The following CFAP61 variants were observed in gnomAD, a reference collection of about 807,000 sequenced individuals.
CFAP61 encodes cilia- and flagella-associated protein 61.
A neutral mutation model predicts 135.6 loss-of-function variants in CFAP61; 107 were observed. The observed-to-expected ratio is 0.79, with a 90% CI of 0.67 to 0.93. The LOEUF is 0.93. Ranked by LOEUF, CFAP61 falls within the 40% of genes least tolerant of loss-of-function variation. CFAP61 has a pLI of 0.00. For missense variants in CFAP61, 1,507 were observed against 1,556.2 expected, an observed-to-expected ratio of 0.97 and a Z score of 0.53; for synonymous variants, 575 against 578.5, an observed-to-expected ratio of 0.99 and a Z score of 0.09.
At chr20:20,294,533 G>A (rs2055248294) in intron 24 of CFAP61, among the ~76,000 whole-genome samples, 1 of 152,160 alleles carries the variant, frequency 6.6e-6, no homozygotes, top group Non-Finnish European at 1.5e-5. Context: ...GCTGCTTCTG[G>A]ACTCTAAGCC....
intron 8 of CFAP61, among the ~76,000 whole-genome samples, chr20:20,138,796 A>G (rs2051139978): frequency 6.6e-6 from 1 of 152,220 alleles, no homozygotes; most frequent in Non-Finnish European, 1.5e-5. Context: ...CACTTCCTCT[A>G]GCACTATTTA....
rs1601871819 is a variant in CFAP61, at chr20:20,296,330, T to TTCCTTC, written c.3217-1851_3217-1850insTCCTTC. 7.8e-4 allele frequency among the ~76,000 whole-genome samples: 31 copies of TTCCTTC among 39,596 alleles called. 2 individuals are homozygous for TTCCTTC. Among genetic ancestry groups the TTCCTTC allele is most frequent in the Non-Finnish European group, 1.5e-3 (29 of 19,594 alleles). The allele number at this position is 39,596 out of a possible 152,430, so 26.0% of individuals were successfully genotyped here. A position where few individuals can be genotyped will look rare whatever the true frequency, so the allele number is the denominator to read the frequency against. ...TCCTTCCTTCCCTCCTTCCTTCCCT[T>TTCCTTC]CCTTCCTTCCTTGCTTCCTTCCTTC... is the stretch of plus-strand genomic sequence containing the variant. On this transcript the variant is annotated intron_variant, in intron 24 of 26. Transcript: ENST00000245957.
At chr20:20,329,710 G>C (rs1011946944) in intron 25 of CFAP61, among the ~76,000 whole-genome samples, 120 of 152,288 alleles carry the variant, frequency 7.9e-4, no homozygotes, top group African/African-American at 2.7e-3. Context: ...CCTTGCATCC[G>C]ACTGGACGTT....
chr20:20,223,671 C>T (rs892250185), intron 17 of CFAP61, among the ~76,000 whole-genome samples: 3 of 152,114 alleles, frequency 2.0e-5, no homozygotes, highest in Non-Finnish European at 4.4e-5. Context: ...AAACCACATG[C>T]GGAAACACGG....
chr20:20,285,747 T>C (rs894516581), intron 22 of CFAP61, among the ~76,000 whole-genome samples: 1 of 151,498 alleles, frequency 6.6e-6, no homozygotes, highest in African/African-American at 2.4e-5. Flanking sequence ...GTGAAGGCCA[T>C]CTCTACAAAA....
At chr20:20,191,137 T>C (rs1286296115) in intron 14 of CFAP61, among the ~76,000 whole-genome samples, 3 of 151,540 alleles carry the variant, frequency 2.0e-5, no homozygotes, top group Admixed American at 6.6e-5. Context: ...ATAATAACAA[T>C]AATAATAATA....
At chr20:20,307,622 T>A (rs1261766485) in intron 25 of CFAP61, among the ~76,000 whole-genome samples, 5 of 152,354 alleles carry the variant, frequency 3.3e-5, no homozygotes, top group Admixed American at 3.3e-4. Context: ...AGCAGATGTT[T>A]TAAAATTGCA....
In CFAP61 at chr20:20,327,777, C is replaced by CAAAAAAAAAAAAAAAAAA. The variant is rs60171844; in HGVS notation, c.3423-14043_3423-14026dup. Among the ~76,000 whole-genome samples the CAAAAAAAAAAAAAAAAAA allele has an allele frequency of 1.2e-3, 70 of 60,346 alleles. 5 individuals are homozygous for CAAAAAAAAAAAAAAAAAA. Among genetic ancestry groups the CAAAAAAAAAAAAAAAAAA allele is most frequent in the African/African-American group, 4.2e-3 (66 of 15,788 alleles). 39.6% of individuals were successfully genotyped at this position (60,346 alleles called of 152,430 possible). ...CCTGGGCAACAGAGCAAGAGCCTGTCAAAAAAAAAAAAAAAAAAAAAAAAA... is the reference window on the plus strand; with the variant it reads ...CCTGGGCAACAGAGCAAGAGCCTGTCAAAAAAAAAAAAAAAAAAAAAAAAAAAAAAAAAAAAAAAAAAA... On this transcript the variant is annotated intron_variant, in intron 25 of 26. Coordinates refer to ENST00000245957, the MANE Select transcript of CFAP61 (RefSeq NM_015585.4).
intron 9 of CFAP61, among the ~76,000 whole-genome samples, chr20:20,145,260 G>T (rs1600944009): frequency 6.6e-6 from 1 of 152,256 alleles, no homozygotes. Context: ...CTTGAGAGGA[G>T]ACCCAGAGGG....
At chr20:20,269,160 C>CAT (rs1385505756) in intron 21 of CFAP61, among the ~76,000 whole-genome samples, 1 of 102,328 alleles carries the variant, frequency 9.8e-6, no homozygotes, top group African/African-American at 3.1e-5. Flanking sequence ...CACACACACA[C>CAT]ACACATACAT....
At chr20:20,107,507 C>G (rs1306460678) in intron 8 of CFAP61, 3 of 151,866 alleles carry the variant, frequency 2.0e-5, no homozygotes, top group Non-Finnish European at 4.4e-5. Context: ...TCTAGAAAAG[C>G]TTAATTTAGT....
chr20:20,122,863 T>G (rs2049772004), intron 8 of CFAP61, among the ~76,000 whole-genome samples: 2 of 150,448 alleles, frequency 1.3e-5, no homozygotes, highest in Admixed American at 1.3e-4. Flanking sequence ...GAGGTTGTAC[T>G]AGTTTACATT....
At chr20:20,143,068 A>G in intron 9 of CFAP61, 120 bp downstream of exon 9, 1 of 628,166 alleles carries the variant, frequency 1.6e-6, no homozygotes, top group Non-Finnish European at 2.8e-6. Flanking sequence ...CTGATGCAGA[A>G]AAGGCCTCAC....
chr20:20,063,825 A>G (rs950762929), intron 2 of CFAP61, among the ~76,000 whole-genome samples: 5 of 152,234 alleles, frequency 3.3e-5, no homozygotes, highest in African/African-American at 9.6e-5. Context: ...GAATGAATAT[A>G]GAAGTTCAAA....
intron 26 of CFAP61, among the ~76,000 whole-genome samples, chr20:20,347,820 C>CT (rs2058685933): frequency 6.6e-6 from 1 of 151,438 alleles, no homozygotes; most frequent in Non-Finnish European, 1.5e-5. Context: ...GTAATCCCAG[C>CT]TACTCAGGAG....
intron 17 of CFAP61, among the ~76,000 whole-genome samples, chr20:20,204,767 G>T (rs1215357668): frequency 6.6e-6 from 1 of 152,096 alleles, no homozygotes; most frequent in African/African-American, 2.4e-5. Flanking sequence ...TATTTTTTCA[G>T]CATCATATAT....
intron 17 of CFAP61, among the ~76,000 whole-genome samples, chr20:20,202,722 A>T (rs1406104142): frequency 3.9e-5 from 6 of 152,058 alleles, no homozygotes; most frequent in Non-Finnish European, 5.9e-5. Context: ...TACCAAATGA[A>T]TGAATTTTCC....
At position 20,152,306 on chromosome 20, in the gene CFAP61, G is replaced by GA. The variant is rs571356966; in HGVS notation, c.952-7054dup. Among the ~76,000 whole-genome samples, 205 of 145,426 alleles carry GA rather than the reference G, an allele frequency of 1.4e-3. 1 individual carries two copies. Among genetic ancestry groups the GA allele is most frequent in the African/African-American group, 3.5e-3 (138 of 39,700 alleles). ...AGGGCCTATAAAACAATAACACAAT[G>GA]AAAAAAAAAACACCAAAGTATTCAG... On this transcript the variant is annotated intron_variant, in intron 9 of 26. Transcript: ENST00000245957.
rs558636939 is a variant in CFAP61 at position 20,187,878 on chromosome 20, G to A, written c.1386-52G>A. 28 of 1,409,106 alleles carry A rather than the reference G, an allele frequency of 2.0e-5. No individual in the cohort carries two copies. In the African/African-American group the frequency reaches 2.1e-4, roughly 11 times the overall value. 87.3% of individuals were successfully genotyped at this position (1,409,106 alleles called of 1,614,324 possible). A position where few individuals can be genotyped will look rare whatever the true frequency, so the allele number is the denominator to read the frequency against. On this transcript the variant is annotated intron_variant, in intron 13 of 26. Coordinates refer to ENST00000245957, the MANE Select transcript of CFAP61 (RefSeq NM_015585.4). ...ATTACAATTCTGTCTCCATTTGGGGGGAATACATATTTAGTACTTTAACTT... is the reference window on the plus strand; with the variant it reads ...ATTACAATTCTGTCTCCATTTGGGGAGAATACATATTTAGTACTTTAACTT...
Sources: gnomAD v4.1 joint callset for allele counts (sites outside exome capture counted in the v4.1 genomes callset) on GRCh38, gnomAD v4.1.1 for gene constraint, MANE v1.5 for transcripts, NCBI Gene and HGNC (gene_info 2026-07-23, HGNC 2026-07-21) for gene names.